Variants in CACNG7 observed in about 807,000 individuals in gnomAD.
The protein encoded by CACNG7 is voltage-dependent calcium channel gamma-7 subunit.
CACNG7 carries 9 observed loss-of-function variants against 26.3 expected under a neutral mutation model. The ratio of observed to expected loss-of-function variants is 0.34; its 90% CI spans 0.21 to 0.60. The LOEUF (loss-of-function observed/expected upper bound fraction) is 0.60. CACNG7 is among the 20% of genes least tolerant of loss of function. CACNG7 has a pLI of 0.81. For synonymous variants in CACNG7, 170 were observed against 157.0 expected, an observed-to-expected ratio of 1.08 and a Z score of -0.62; for missense variants, 297 against 380.4, an observed-to-expected ratio of 0.78 and a Z score of 1.82.
chr19:53,918,697 G>C (rs2068914297), intron 4 of CACNG7, among the ~76,000 whole-genome samples: 1 of 152,146 alleles, frequency 6.6e-6, no homozygotes, highest in Non-Finnish European at 1.5e-5. Flanking sequence ...TGGTGGTGCT[G>C]GTGCTGGTGA....
Position 53,942,584 on chromosome 19 carries a change from T to G in CACNG7, c.*291T>G. ...CTCTGGCCCCTCCTCTCCAAGAAAA[T>G]TAGCTCCTCCCTCGTTCTCCACCTG... On this transcript the variant is annotated 3_prime_UTR_variant, in exon 6 of 6. Transcript: ENST00000391767. This position sits in a 1 kb window ranked among gnomAD's most constrained non-coding sequence, Gnocchi z 5.9. 1 of 1,309,692 alleles carries G rather than the reference T, an allele frequency of 7.6e-7. No homozygotes were observed. Among genetic ancestry groups the G allele is most frequent in the Non-Finnish European group, 9.7e-7 (1 of 1,028,740 alleles). The allele number at this position is 1,309,692 out of a possible 1,614,324, so 81.1% of individuals were successfully genotyped here.
intron 4 of CACNG7, among the ~76,000 whole-genome samples, chr19:53,920,440 C>T (rs307923): frequency 0.019 from 786 of 41,790 alleles, 10 homozygotes; most frequent in African/African-American, 0.027. Context: ...TGCCCCAGGC[C>T]GGTCATTGGT....
chr19:53,923,786 A>C (rs112025114), intron 4 of CACNG7, among the ~76,000 whole-genome samples: 3 of 106,648 alleles, frequency 2.8e-5, no homozygotes, highest in Non-Finnish European at 3.7e-5. Flanking sequence ...TCATTGGTGC[A>C]GTTGCCCCAG....
intron 1 of CACNG7, among the ~76,000 whole-genome samples, chr19:53,911,219 C>A (rs967015349): frequency 6.6e-6 from 1 of 151,994 alleles, no homozygotes; most frequent in African/African-American, 2.4e-5. Flanking sequence ...GTGTGAGCCA[C>A]CGTGCCCGGC....
chr19:53,937,065 T>C (rs2069109411), intron 4 of CACNG7, among the ~76,000 whole-genome samples: 1 of 151,944 alleles, frequency 6.6e-6, no homozygotes, highest in South Asian at 2.1e-4. Flanking sequence ...TAATTATTTA[T>C]TTTTAGTAGA....
intron 4 of CACNG7, among the ~76,000 whole-genome samples, chr19:53,927,214 C>T (rs1035595251): frequency 3.9e-5 from 6 of 152,112 alleles, no homozygotes; most frequent in Admixed American, 1.3e-4. Context: ...GCCACTGCGG[C>T]GCAGCTGGGC....
chr19:53,929,111 CAAAAAAAAAACA>C (rs1417371943), intron 4 of CACNG7, among the ~76,000 whole-genome samples: 2 of 36,460 alleles, frequency 5.5e-5, no homozygotes, highest in East Asian at 9.1e-4. Flanking sequence ...GACTCCACCT[CAAAAAAAAAACA>C]AAAAAAAAAA....
intron 1 of CACNG7, among the ~76,000 whole-genome samples, chr19:53,911,201 G>A (rs762191013): frequency 7.2e-5 from 11 of 151,978 alleles, no homozygotes; most frequent in Non-Finnish European, 1.0e-4. Flanking sequence ...GAGTATCTGG[G>A]ATTATAGGTG....
At chr19:53,925,521 G>GTGGACTTGCCCCAGGCTGGTCATTGT (rs2069022284) in intron 4 of CACNG7, among the ~76,000 whole-genome samples, 6 of 148,018 alleles carry the variant, frequency 4.1e-5, no homozygotes, top group Admixed American at 6.7e-5. Context: ...CTGGTCATTG[G>GTGGACTTGCCCCAGGCTGGTCATTGT]TGGAGTTGTC....
chr19:53,940,915 G>T lies in CACNG7; in HGVS notation c.425-555G>T, dbSNP rs1409138755. ...ACTAAAAATATAAAAAAAAAAATTA[G>T]TCGGGAGTGGTGGCGGGCGCCTGTA... is the stretch of plus-strand genomic sequence containing the variant. On this transcript the variant is annotated intron_variant, in intron 4 of 5. Coordinates refer to ENST00000391767, the MANE Select transcript of CACNG7 (RefSeq NM_031896.5). The surrounding 1 kb of genome is among the most constrained non-coding windows in gnomAD (Gnocchi z 4.1). 6.6e-6 allele frequency among the ~76,000 whole-genome samples: 1 copy of T among 151,866 alleles called. No homozygotes were observed. The highest frequency in any genetic ancestry group is 1.5e-5 in the Non-Finnish European group (1 of 67,980).
chr19:53,940,214 G>A lies in CACNG7; in HGVS notation c.425-1256G>A, dbSNP rs544808376. On this transcript the variant is annotated intron_variant, in intron 4 of 5. Coordinates refer to ENST00000391767, the MANE Select transcript of CACNG7 (RefSeq NM_031896.5). The surrounding 1 kb of genome is among the most constrained non-coding windows in gnomAD (Gnocchi z 4.1). ...ATCGCCTCTTAGAAATTCTCAGATT[G>A]GACCTCTCCTCTGCACACTGTCCGT... Among the ~76,000 whole-genome samples, 2 of 152,202 alleles carry A rather than the reference G, an allele frequency of 1.3e-5. No homozygotes were observed. Among genetic ancestry groups the A allele is most frequent in the South Asian group, 4.1e-4 (2 of 4,824 alleles).
In CACNG7 at chr19:53,942,012, G is replaced by A; in HGVS notation, c.571-24G>A. 6.4e-7 allele frequency: 1 copy of A among 1,563,176 alleles called. No individual in the cohort carries two copies. Among genetic ancestry groups the A allele is most frequent in the Non-Finnish European group, 8.7e-7 (1 of 1,150,434 alleles). Reference sequence around the variant, plus strand: ...GGGATGCGCAGGGGGGCGCCCCTGGGACTCTGACCTTGCCTTGCCGCAGGG... The same window carrying A: ...GGGATGCGCAGGGGGGCGCCCCTGGAACTCTGACCTTGCCTTGCCGCAGGG... On this transcript the variant is annotated intron_variant, in intron 5 of 5. Transcript: ENST00000391767. The surrounding 1 kb of genome is among the most constrained non-coding windows in gnomAD (Gnocchi z 5.9).
chr19:53,928,467 G>A (rs1284330481), intron 4 of CACNG7, among the ~76,000 whole-genome samples: 1 of 151,938 alleles, frequency 6.6e-6, no homozygotes, highest in Non-Finnish European at 1.5e-5. Flanking sequence ...TAGAGACGGG[G>A]TTTCACCATG....
chr19:53,928,832 C>T (rs1303174309), intron 4 of CACNG7, among the ~76,000 whole-genome samples: 2 of 151,932 alleles, frequency 1.3e-5, no homozygotes, highest in African/African-American at 2.4e-5. Context: ...GCCTGAAGGC[C>T]GGGCACGGTA....
At chr19:53,925,805 G>T (rs1599987695) in intron 4 of CACNG7, among the ~76,000 whole-genome samples, 1 of 152,362 alleles carries the variant, frequency 6.6e-6, no homozygotes, top group African/African-American at 2.4e-5. Flanking sequence ...AGCAGATAAG[G>T]TCTGTGCTGG....
rs543421975 is a variant in CACNG7 at position 53,935,480 on chromosome 19, G to A, written c.425-5990G>A. Among the ~76,000 whole-genome samples the A allele has an allele frequency of 1.4e-3, 212 of 151,562 alleles. 1 individual carries two copies. The highest frequency in any genetic ancestry group is 5.0e-3 in the African/African-American group (207 of 41,342). On this transcript the variant is annotated intron_variant, in intron 4 of 5. Coordinates refer to ENST00000391767, the MANE Select transcript of CACNG7 (RefSeq NM_031896.5). ...TGGAACTACAGGCTAATGCCACCAC[G>A]CCTGGCTAATTTTTGTGTTTTTAGT...
chr19:53,914,666 A>G lies in CACNG7; in HGVS notation c.283+80A>G, dbSNP rs2068883575. On this transcript the variant is annotated intron_variant, in intron 3 of 5. Coordinates refer to ENST00000391767, the MANE Select transcript of CACNG7 (RefSeq NM_031896.5). ...TGGAGTCCTGGGAGGGGGCAGGACT[A>G]GGGAAAGGGTGGGGTCCAAGGGAAG... 3.1e-6 allele frequency: 4 copies of G among 1,287,378 alleles called. No homozygotes were observed. In the Admixed American group the frequency reaches 5.2e-5, roughly 17 times the overall value. 79.7% of individuals were successfully genotyped at this position (1,287,378 alleles called of 1,614,324 possible). A position where few individuals can be genotyped will look rare whatever the true frequency, so the allele number is the denominator to read the frequency against.
chr19:53,912,899 T>A lies in CACNG7; in HGVS notation c.68T>A (p.Leu23Gln), dbSNP rs2068869672. 6.2e-7 allele frequency: 1 copy of A among 1,614,104 alleles called. No individual in the cohort carries two copies. Among genetic ancestry groups the A allele is most frequent in the Non-Finnish European group, 8.5e-7 (1 of 1,180,030 alleles). The change falls in exon 2 of 6, where the codon CTG (leucine) becomes CAG (glutamine). Residue 23 changes from leucine (L) to glutamine (Q), a missense_variant. By Grantham distance (113) the Leu-to-Gln change is moderately radical. Coordinates refer to ENST00000391767, the MANE Select transcript of CACNG7 (RefSeq NM_031896.5). This position sits in a 1 kb window ranked among gnomAD's most constrained non-coding sequence, Gnocchi z 4.6. ...GTGTTTGGTGCGTGTGGCCTGCTCC[T>A]GGTAGGCATCGCGGTCAGCACTGAC... Reference protein sequence around the residue: ...SSVFGACGLLLVGIAVSTDYW... With the variant: ...SSVFGACGLLQVGIAVSTDYW...
chr19:53,916,493 T>TC (rs1568771274), intron 4 of CACNG7, among the ~76,000 whole-genome samples: 33 of 145,766 alleles, frequency 2.3e-4, no homozygotes, highest in South Asian at 6.4e-4. Flanking sequence ...CTTTCTTTTT[T>TC]TTTTTTTTTT....
Sources: allele counts gnomAD v4.1 joint callset (sites outside exome capture counted in the v4.1 genomes callset), GRCh38; gene constraint gnomAD v4.1.1; non-coding constraint Gnocchi (gnomAD v3.1); transcripts MANE v1.5; gene names NCBI Gene and HGNC (gene_info 2026-07-23, HGNC 2026-07-21).